SH2D6: variants seen among roughly 807,000 people sequenced by gnomAD.
SH2D6 encodes the protein SH2 domain-containing protein 6.
A neutral mutation model predicts 30.2 loss-of-function variants in SH2D6; 31 were observed. That is an observed-to-expected ratio of 1.03 (90% confidence interval 0.77 to 1.38). SH2D6 has a LOEUF of 1.38. Among genes scored for constraint, SH2D6 ranks in the 40% most tolerant of loss-of-function variants. The probability of loss-of-function intolerance (pLI) is 0.00; values close to 1 mark genes in which losing one functional copy is unlikely to be tolerated. For synonymous variants in SH2D6, 93 were observed against 104.6 expected, an observed-to-expected ratio of 0.89 and a Z score of 0.68; for missense variants, 240 against 266.8, an observed-to-expected ratio of 0.90 and a Z score of 0.70.
intron 14 of SH2D6, among the ~76,000 whole-genome samples, chr2:85,432,238 G>A (rs1212097446): frequency 3.4e-5 from 5 of 148,612 alleles, no homozygotes; most frequent in Non-Finnish European, 5.9e-5. Flanking sequence ...TTTTTGGCTC[G>A]GCTGCTCTGA....
chr2:85,423,770 C>T (rs1217812821), intron 5 of SH2D6, among the ~76,000 whole-genome samples: 1 of 152,220 alleles, frequency 6.6e-6, no homozygotes, highest in African/African-American at 2.4e-5. Context: ...GAAGAGGGGC[C>T]TCTGCTAGCT....
chr2:85,434,365 C>G lies in SH2D6; in HGVS notation c.559C>G (p.Arg187Gly). The change falls in exon 18 of 24, where the codon CGG becomes GGG. Residue 187 changes from arginine to glycine, a missense_variant. Coordinates refer to ENST00000469800, the MANE Select transcript of SH2D6 (RefSeq NM_001394463.1). ...PRPTTAPQETRNGTADAASKE... is the reference protein window; with the variant it reads ...PRPTTAPQETGNGTADAASKE... Reference sequence around the variant, plus strand: ...GCCTACCACAGCCCCCCAGGAAACTCGGAATGTAAGAGGCTGATGGTCAGG... The same window carrying G: ...GCCTACCACAGCCCCCCAGGAAACTGGGAATGTAAGAGGCTGATGGTCAGG... 1.3e-6 allele frequency: 2 copies of G among 1,549,278 alleles called. No individual in the cohort carries two copies. Among genetic ancestry groups the G allele is most frequent in the Middle Eastern group, 1.7e-4 (1 of 5,982 alleles).
chr2:85,435,902 G>A (rs545694871), intron 22 of SH2D6, 78 bp downstream of exon 22: 1 of 1,436,192 alleles, frequency 7.0e-7, no homozygotes, highest in Admixed American at 2.8e-5. Context: ...CATTTGCCTA[G>A]GGAAAAATCT....
chr2:85,422,175 TC>T (rs1316467461), intron 2 of SH2D6, 27 bp from the exon 3 acceptor site: 5 of 151,966 alleles, frequency 3.3e-5, no homozygotes, highest in African/African-American at 1.2e-4. Context: ...CTTTTTTTTT[TC>T]TTTTTACTGT....
chr2:85,421,713 T>C (rs1381368083), intron 2 of SH2D6: 10 of 152,124 alleles, frequency 6.6e-5, no homozygotes, highest in African/African-American at 2.4e-4. Flanking sequence ...GGTAGGAGAC[T>C]GTCCTGGTCT....
intron 9 of SH2D6, 145 bp from the exon 10 acceptor site, chr2:85,429,836 C>T (rs1476176380): frequency 6.5e-6 from 1 of 153,210 alleles, no homozygotes; most frequent in Non-Finnish European, 1.5e-5. Flanking sequence ...GGCACCAGCT[C>T]TGCCCCCAGC....
chr2:85,425,782 G>C (rs1032024076), intron 6 of SH2D6, among the ~76,000 whole-genome samples: 3 of 152,134 alleles, frequency 2.0e-5, no homozygotes, highest in Non-Finnish European at 4.4e-5. Flanking sequence ...TTTGGGCCCT[G>C]GGTGGTGGCA....
At chr2:85,420,821 C>T (rs1000539080) in intron 2 of SH2D6, 1 of 152,360 alleles carries the variant, frequency 6.6e-6, no homozygotes, top group African/African-American at 2.4e-5. Context: ...CATGCCCCTC[C>T]TCACCACCAG....
rs1009963634 is a variant in SH2D6 at position 85,430,871 on chromosome 2, G to C, written c.250+219G>C. 2.0e-5 allele frequency among the ~76,000 whole-genome samples: 3 copies of C among 152,112 alleles called. No homozygotes were observed. Among genetic ancestry groups the C allele is most frequent in the African/African-American group, 7.2e-5 (3 of 41,396 alleles). On this transcript the variant is annotated intron_variant, in intron 12 of 23. Transcript: ENST00000469800. This position sits in a 1 kb window ranked among gnomAD's most constrained non-coding sequence, Gnocchi z 4.3. ...GGGAGGGTGGGAGGGAGGAAGAAGAGTGGGAAGGGAAGAGGAGGGGTGGTG... is the reference window on the plus strand; with the variant it reads ...GGGAGGGTGGGAGGGAGGAAGAAGACTGGGAAGGGAAGAGGAGGGGTGGTG...
chr2:85,432,399 G>T (rs1487762811), intron 14 of SH2D6, among the ~76,000 whole-genome samples: 20 of 141,402 alleles, frequency 1.4e-4, no homozygotes, highest in South Asian at 2.2e-4. Context: ...TTTTTGTTTT[G>T]TTTTGTTTTG....
chr2:85,422,177 T>G (rs1687773281), intron 2 of SH2D6, 26 bp from the exon 3 acceptor site: 1 of 151,464 alleles, frequency 6.6e-6, no homozygotes, highest in Non-Finnish European at 1.5e-5. Flanking sequence ...TTTTTTTTTC[T>G]TTTTACTGTT....
rs374974205 is a variant in SH2D6 at position 85,436,591 on chromosome 2, C to T, written c.*9C>T. 1.1e-5 allele frequency: 17 copies of T among 1,610,326 alleles called. No individual in the cohort carries two copies. The East Asian group carries it at 1.1e-4, about 11-fold the overall frequency. On this transcript the variant is annotated 3_prime_UTR_variant, in exon 23 of 24. Coordinates refer to ENST00000469800, the MANE Select transcript of SH2D6 (RefSeq NM_001394463.1). ...TCCCCACCAAGCCTTGAGGCCACAG[C>T]GAAGTACACACCGCCTTTGGCCCCA... is the stretch of plus-strand genomic sequence containing the variant.
chr2:85,433,770 C>T (rs1320099700), intron 16 of SH2D6, 139 bp downstream of exon 16: 13 of 722,788 alleles, frequency 1.8e-5, no homozygotes, highest in Middle Eastern at 4.4e-4. Context: ...CTTCAGTCAC[C>T]GCATGGACAT....
In SH2D6 at chr2:85,423,570, G is replaced by A. The variant is rs1687832155; in HGVS notation, c.-309+880G>A. On this transcript the variant is annotated intron_variant, in intron 5 of 23. Transcript: ENST00000469800. ...ACCAGACTTTCTACCCACTGCCAGGGGAGACAGAGGGATGGTCTCTCACAA... is the reference window on the plus strand; with the variant it reads ...ACCAGACTTTCTACCCACTGCCAGGAGAGACAGAGGGATGGTCTCTCACAA... Among the ~76,000 whole-genome samples, 3 of 152,258 alleles carry A rather than the reference G, an allele frequency of 2.0e-5. No homozygotes were observed. The South Asian group carries it at 6.2e-4, about 32-fold the overall frequency.
intron 2 of SH2D6, 59 bp from the exon 3 acceptor site, chr2:85,422,144 A>G (rs1207050023): frequency 1.3e-5 from 2 of 151,932 alleles, no homozygotes; most frequent in East Asian, 3.8e-4. Flanking sequence ...TACATATAGA[A>G]GAGTCCTTTT....
At chr2:85,435,852 A>G in intron 22 of SH2D6, 28 bp downstream of exon 22, 1 of 1,553,506 alleles carries the variant, frequency 6.4e-7, no homozygotes, top group Non-Finnish European at 8.7e-7. Flanking sequence ...CAGGGGCCTA[A>G]GGAGGGACCA....
chr2:85,434,471 A>AG lies in SH2D6; in HGVS notation c.566dup. 6.4e-7 allele frequency: 1 copy of AG among 1,550,530 alleles called. No individual in the cohort carries two copies. Among genetic ancestry groups the AG allele is most frequent in the Non-Finnish European group, 8.7e-7 (1 of 1,146,984 alleles). On this transcript the variant is annotated splice_acceptor_variant, in intron 18 of 23. Transcript: ENST00000469800. LOFTEE classifies it high-confidence loss of function. ...CTTCTGATCAGACCTCCTGTATGCC[A>AG]GGGAACAGCAGATGCTGCCTCTAAA...
chr2:85,431,008 C>CA (rs1327122618), intron 12 of SH2D6, among the ~76,000 whole-genome samples: 1 of 152,188 alleles, frequency 6.6e-6, no homozygotes, highest in Non-Finnish European at 1.5e-5. Context: ...ATCCCACCCC[C>CA]ACTGCTCAGC....
At chr2:85,422,886 G>A (rs1462441640) in intron 5 of SH2D6, among the ~76,000 whole-genome samples, 196 bp downstream of exon 5, 2 of 152,168 alleles carry the variant, frequency 1.3e-5, no homozygotes, top group Non-Finnish European at 2.9e-5. Context: ...ACTTTTGTTT[G>A]TTTGTTTTGT....
Sources: allele counts gnomAD v4.1 joint callset (sites outside exome capture counted in the v4.1 genomes callset), GRCh38; gene constraint gnomAD v4.1.1; non-coding constraint Gnocchi (gnomAD v3.1); transcripts MANE v1.5; gene names NCBI Gene and HGNC (gene_info 2026-07-23, HGNC 2026-07-21).